ENOX1: variants seen among roughly 807,000 people sequenced by gnomAD.
ENOX1 encodes candidate growth-related and time keeping constitutive hydroquinone (NADH) oxidase.
Under a neutral mutation model 82.5 loss-of-function variants are expected in ENOX1, and 42 were observed. The ratio of observed to expected loss-of-function variants is 0.51; its 90% confidence interval spans 0.40 to 0.66. The LOEUF is 0.66. Ranked by LOEUF, ENOX1 falls within the 30% of genes least tolerant of loss-of-function variation. ENOX1 has a pLI of 0.00. For missense variants in ENOX1, 608 were observed against 811.6 expected, an observed-to-expected ratio of 0.75 and a Z score of 3.05; for synonymous variants, 271 against 282.2, an observed-to-expected ratio of 0.96 and a Z score of 0.40.
intron 1 of ENOX1, among the ~76,000 whole-genome samples, chr13:43,720,017 T>TA (rs1167950150): frequency 1.3e-5 from 2 of 152,202 alleles, no homozygotes; most frequent in Non-Finnish European, 2.9e-5. Flanking sequence ...TCAAGATGTA[T>TA]ATCTTTAACT....
In ENOX1 at chr13:43,697,685, G is replaced by C. The variant is rs531163381; in HGVS notation, c.-284-30141C>G. On this transcript the variant is annotated intron_variant, in intron 1 of 16. Coordinates refer to ENST00000690772, the MANE Select transcript of ENOX1 (RefSeq NM_001347969.2). ...AAAATAGACAAGTTCCATCCAAAGG[G>C]ACGGGATTCCAGAAAGACTCTAGTT... 9.2e-5 allele frequency among the ~76,000 whole-genome samples: 14 copies of C among 152,296 alleles called. No homozygotes were observed. In the East Asian group the frequency reaches 2.7e-3, roughly 29 times the overall value.
intron 15 of ENOX1, 66 bp from the exon 16 acceptor site, chr13:43,224,204 C>T: frequency 7.8e-7 from 1 of 1,279,332 alleles, no homozygotes; most frequent in South Asian, 1.2e-5. Context: ...TTAAATAATG[C>T]TGTCTAATCC....
intron 1 of ENOX1, among the ~76,000 whole-genome samples, chr13:43,756,069 A>G (rs1281083239): frequency 6.6e-6 from 1 of 152,216 alleles, no homozygotes; most frequent in Non-Finnish European, 1.5e-5. Flanking sequence ...TCGGGGTGAC[A>G]TAGTGGAAAA....
chr13:43,507,118 TTG>T (rs1195391513), intron 2 of ENOX1, among the ~76,000 whole-genome samples: 4 of 151,702 alleles, frequency 2.6e-5, no homozygotes, highest in African/African-American at 9.7e-5. Context: ...ATAAAGAAAA[TTG>T]TGTTTAATAA....
At chr13:43,615,606 A>T (rs1012365818) in intron 2 of ENOX1, among the ~76,000 whole-genome samples, 3 of 152,066 alleles carry the variant, frequency 2.0e-5, no homozygotes, top group Admixed American at 6.6e-5. Context: ...TTATTATTAT[A>T]ATACTTTAAG....
intron 5 of ENOX1, among the ~76,000 whole-genome samples, chr13:43,371,753 G>A (rs1284047378): frequency 2.6e-5 from 4 of 152,172 alleles, no homozygotes; most frequent in African/African-American, 9.7e-5. Flanking sequence ...CTTACTGCTT[G>A]AAGGGACTGA....
chr13:43,547,389 C>T (rs1430455929), intron 2 of ENOX1: 2 of 152,156 alleles, frequency 1.3e-5, no homozygotes, highest in Non-Finnish European at 2.9e-5. Flanking sequence ...TGGAAGAATG[C>T]ACTAACTTAA....
chr13:43,607,663 T>C (rs1253040201), intron 2 of ENOX1, among the ~76,000 whole-genome samples: 1 of 152,166 alleles, frequency 6.6e-6, no homozygotes, highest in African/African-American at 2.4e-5. Flanking sequence ...ATTATATGCA[T>C]GTAGATAAGT....
At chr13:43,293,607 T>C (rs1029547113) in intron 12 of ENOX1, among the ~76,000 whole-genome samples, 13 of 152,164 alleles carry the variant, frequency 8.5e-5, no homozygotes, top group African/African-American at 3.1e-4. Flanking sequence ...CATGTGAGTT[T>C]TGGGGAGGAA....
chr13:43,469,447 T>G (rs2057889434), intron 3 of ENOX1, among the ~76,000 whole-genome samples: 1 of 152,006 alleles, frequency 6.6e-6, no homozygotes, highest in African/African-American at 2.4e-5. Flanking sequence ...TTGTCAGGTT[T>G]TGCTATCAGG....
chr13:43,709,497 C>A (rs2087542804), intron 1 of ENOX1, among the ~76,000 whole-genome samples: 1 of 151,856 alleles, frequency 6.6e-6, no homozygotes, highest in Admixed American at 6.6e-5. Context: ...ACACAAGAAT[C>A]TGCAAAGAGC....
Position 43,694,585 on chromosome 13 carries a change from T to C in ENOX1, c.-284-27041A>G, listed in dbSNP as rs425816. Among the ~76,000 whole-genome samples, 970 of 152,306 alleles carry C rather than the reference T, an allele frequency of 6.4e-3. 9 individuals carry two copies. Among genetic ancestry groups the C allele is most frequent in the African/African-American group, 0.022 (922 of 41,554 alleles). Reference sequence around the variant, plus strand: ...AAATGAGTGAGTCGTATGCCAATTGTGTAAAAAGGGGATGATAATATATTC... The same window carrying C: ...AAATGAGTGAGTCGTATGCCAATTGCGTAAAAAGGGGATGATAATATATTC... On this transcript the variant is annotated intron_variant, in intron 1 of 16. Coordinates refer to ENST00000690772, the MANE Select transcript of ENOX1 (RefSeq NM_001347969.2).
At chr13:43,243,452 G>A (rs1043513294) in intron 14 of ENOX1, among the ~76,000 whole-genome samples, 34 of 152,052 alleles carry the variant, frequency 2.2e-4, no homozygotes, top group African/African-American at 7.5e-4. Context: ...TCGGTTCTAC[G>A]TGTTTCATAC....
chr13:43,401,440 G>A (rs575478964), intron 5 of ENOX1, among the ~76,000 whole-genome samples: 104 of 152,246 alleles, frequency 6.8e-4, no homozygotes, highest in Middle Eastern at 3.4e-3. Flanking sequence ...AGGTTTCCAG[G>A]GCTTAATGCA....
intron 14 of ENOX1, among the ~76,000 whole-genome samples, chr13:43,254,047 C>A (rs748281943): frequency 6.6e-6 from 1 of 152,148 alleles, no homozygotes; most frequent in Non-Finnish European, 1.5e-5. Flanking sequence ...AACTTCTTGG[C>A]CATAAGTAGA....
intron 1 of ENOX1, among the ~76,000 whole-genome samples, chr13:43,670,797 C>A (rs1163919622): frequency 3.3e-5 from 5 of 152,024 alleles, no homozygotes; most frequent in Admixed American, 6.6e-5. Context: ...GAGCCAAGAT[C>A]GCGACACTGC....
At chr13:43,537,346 G>A (rs1240989729) in intron 2 of ENOX1, among the ~76,000 whole-genome samples, 1 of 152,202 alleles carries the variant, frequency 6.6e-6, no homozygotes, top group Non-Finnish European at 1.5e-5. Context: ...CAGGGTAGAA[G>A]GGGAATAACT....
chr13:43,248,037 C>T (rs2043237065), intron 14 of ENOX1, among the ~76,000 whole-genome samples: 2 of 148,546 alleles, frequency 1.3e-5, no homozygotes, highest in Admixed American at 6.7e-5. Flanking sequence ...AGGCGCCCGC[C>T]ACTACGCCTG....
chr13:43,449,730 A>G (rs574307855), intron 3 of ENOX1, among the ~76,000 whole-genome samples: 1 of 152,146 alleles, frequency 6.6e-6, no homozygotes, highest in Non-Finnish European at 1.5e-5. Context: ...TGTTCTTTTA[A>G]TACTTGCTTT....
Sources: allele counts gnomAD v4.1 joint callset (sites outside exome capture counted in the v4.1 genomes callset), GRCh38; gene constraint gnomAD v4.1.1; transcripts MANE v1.5; gene names NCBI Gene and HGNC (gene_info 2026-07-23, HGNC 2026-07-21).